SLC2A13: variants seen among roughly 807,000 people sequenced by gnomAD.
SLC2A13 encodes solute carrier family 2 member 13.
A neutral mutation model predicts 64.4 loss-of-function variants in SLC2A13; 32 were observed. The observed-to-expected ratio is 0.50, with a 90% confidence interval of 0.37 to 0.67. The LOEUF (loss-of-function observed/expected upper bound fraction) is 0.67, where lower values mean the gene tolerates loss of function less well. Ranked by LOEUF, SLC2A13 falls within the 30% of genes least tolerant of loss-of-function variation. The pLI, the probability that SLC2A13 is intolerant of heterozygous loss-of-function variation, is 0.00. For synonymous variants in SLC2A13, 338 were observed against 327.1 expected (o/e 1.03, Z -0.36); for missense variants, 743 against 829.2 (o/e 0.90, Z 1.28).
intron 4 of SLC2A13, among the ~76,000 whole-genome samples, chr12:39,934,236 G>A (rs1179330373): frequency 6.6e-6 from 1 of 152,208 alleles, no homozygotes; most frequent in African/African-American, 2.4e-5. Context: ...AATGTCCATA[G>A]CTGTTGACAT....
chr12:39,968,883 TG>T (rs1211851931), intron 3 of SLC2A13, among the ~76,000 whole-genome samples: 4 of 149,554 alleles, frequency 2.7e-5, no homozygotes, highest in Non-Finnish European at 5.9e-5. Flanking sequence ...TGTGCCATGT[TG>T]GTGTGCTGCA....
intron 4 of SLC2A13, among the ~76,000 whole-genome samples, chr12:39,918,851 C>A (rs80246587): frequency 1.5e-4 from 18 of 123,886 alleles, no homozygotes; most frequent in African/African-American, 3.8e-4. Flanking sequence ...GACTCTGTCT[C>A]AAAAAAAAAA....
intron 3 of SLC2A13, among the ~76,000 whole-genome samples, chr12:40,002,193 GCGCCAGCCTAAGA>G (rs1451067041): frequency 6.6e-6 from 1 of 152,180 alleles, no homozygotes; most frequent in Non-Finnish European, 1.5e-5. Context: ...CACTTATTAT[GCGCCAGCCTAAGA>G]ACTTTGTGTG....
intron 7 of SLC2A13, among the ~76,000 whole-genome samples, chr12:39,803,204 C>CAAA (rs369226817): frequency 0.011 from 785 of 73,692 alleles, 5 homozygotes; most frequent in African/African-American, 0.016. Context: ...GAAGCAAATG[C>CAAA]AAAAAAAAAA....
chr12:40,031,238 T>A (rs531565839), intron 2 of SLC2A13, among the ~76,000 whole-genome samples: 110 of 152,220 alleles, frequency 7.2e-4, no homozygotes, highest in African/African-American at 2.5e-3. Flanking sequence ...TTATTTATTT[T>A]TTTAGATGGA....
chr12:39,827,967 T>TG (rs1353299567), intron 7 of SLC2A13, among the ~76,000 whole-genome samples: 2 of 152,124 alleles, frequency 1.3e-5, no homozygotes, highest in Non-Finnish European at 2.9e-5. Flanking sequence ...CTAGAGATAG[T>TG]ATATCTCTAG....
chr12:39,790,165 G>C (rs1471614472), intron 7 of SLC2A13, among the ~76,000 whole-genome samples: 2 of 144,150 alleles, frequency 1.4e-5, no homozygotes, highest in Admixed American at 1.4e-4. Flanking sequence ...ATTTATCATT[G>C]AAGAAAGAAT....
intron 3 of SLC2A13, among the ~76,000 whole-genome samples, chr12:39,973,956 G>A (rs893643023): frequency 6.6e-6 from 1 of 152,102 alleles, no homozygotes; most frequent in Non-Finnish European, 1.5e-5. Flanking sequence ...ATACCATTCT[G>A]TCTGATCTTT....
intron 2 of SLC2A13, among the ~76,000 whole-genome samples, chr12:40,046,478 T>C (rs1276287613): frequency 6.6e-6 from 1 of 152,196 alleles, no homozygotes. Context: ...CTTACATTAA[T>C]AAAAATTTTT....
intron 7 of SLC2A13, among the ~76,000 whole-genome samples, chr12:39,770,922 G>GAT (rs1354046699): frequency 6.6e-6 from 1 of 152,104 alleles, no homozygotes; most frequent in East Asian, 1.9e-4. Flanking sequence ...GTAAAGTTAG[G>GAT]ATATATGTGG....
At chr12:40,023,708 A>G (rs1183161879) in intron 3 of SLC2A13, among the ~76,000 whole-genome samples, 1 of 152,196 alleles carries the variant, frequency 6.6e-6, no homozygotes, top group African/African-American at 2.4e-5. Context: ...CTCTAGTGAC[A>G]TGGACAGACC....
chr12:39,894,022 A>C (rs1318420026), intron 4 of SLC2A13, among the ~76,000 whole-genome samples: 1 of 152,230 alleles, frequency 6.6e-6, no homozygotes, highest in Non-Finnish European at 1.5e-5. Flanking sequence ...TATACCTTTA[A>C]ATGTGTAGTA....
At chr12:39,817,623 AAGTT>A (rs1942375974) in intron 7 of SLC2A13, among the ~76,000 whole-genome samples, 1 of 152,186 alleles carries the variant, frequency 6.6e-6, no homozygotes, top group Non-Finnish European at 1.5e-5. Context: ...ATTCACGAAA[AAGTT>A]AGCTGTACAC....
intron 6 of SLC2A13, among the ~76,000 whole-genome samples, chr12:39,841,901 G>A (rs1011576661): frequency 3.3e-5 from 5 of 151,998 alleles, no homozygotes; most frequent in Non-Finnish European, 4.4e-5. Context: ...ATTTTTGAGG[G>A]TGAATTTTAT....
chr12:40,055,038 G>A (rs922268128), intron 1 of SLC2A13, among the ~76,000 whole-genome samples: 9 of 152,128 alleles, frequency 5.9e-5, no homozygotes, highest in Admixed American at 1.3e-4. Flanking sequence ...AGAATCCCTC[G>A]CTGTGGTTGT....
chr12:39,826,488 C>G (rs1290291318), intron 7 of SLC2A13, among the ~76,000 whole-genome samples: 1 of 148,182 alleles, frequency 6.7e-6, no homozygotes, highest in Non-Finnish European at 1.5e-5. Flanking sequence ...TCTTACTATA[C>G]TTTGAGTCTC....
chr12:40,052,100 G>A (rs1490852869), intron 1 of SLC2A13, among the ~76,000 whole-genome samples: 1 of 152,118 alleles, frequency 6.6e-6, no homozygotes, highest in Non-Finnish European at 1.5e-5. Flanking sequence ...AAGCAACTAG[G>A]AGCATGATGG....
chr12:39,961,435 C>T (rs1039532357), intron 3 of SLC2A13, among the ~76,000 whole-genome samples: 5 of 152,290 alleles, frequency 3.3e-5, no homozygotes, highest in African/African-American at 7.2e-5. Flanking sequence ...GCTTCTGATA[C>T]GTATCCTTAA....
At chr12:40,102,460 C>A (rs1939183232) in intron 1 of SLC2A13, among the ~76,000 whole-genome samples, 1 of 151,892 alleles carries the variant, frequency 6.6e-6, no homozygotes, top group African/African-American at 2.4e-5. Flanking sequence ...GCTCACCATT[C>A]ATTTATTCAA....
Sources: allele counts gnomAD v4.1 joint callset (sites outside exome capture counted in the v4.1 genomes callset), GRCh38; gene constraint gnomAD v4.1.1; transcripts MANE v1.5; gene names NCBI Gene and HGNC (gene_info 2026-07-23, HGNC 2026-07-21).